Variants in DNAH3 observed in about 807,000 individuals in gnomAD.
The protein encoded by DNAH3 is dynein axonemal heavy chain 3, also known as axonemal beta dynein heavy chain 3.
DNAH3 carries 332 observed loss-of-function variants against 432.5 expected under a neutral mutation model. The observed-to-expected ratio is 0.77, with a 90% CI of 0.70 to 0.84. The LOEUF is 0.84. Ranked by LOEUF, DNAH3 falls within the 40% of genes least tolerant of loss-of-function variation. The pLI, the probability that DNAH3 is intolerant of heterozygous loss-of-function variation, is 0.00. For missense variants in DNAH3, 4,861 were observed against 5,114.0 expected (o/e 0.95, Z 1.51); for synonymous variants, 1,956 against 1,900.2 (o/e 1.03, Z -0.76).
chr16:21,107,433 T>C (rs1259144357), intron 14 of DNAH3, among the ~76,000 whole-genome samples: 2 of 151,862 alleles, frequency 1.3e-5, no homozygotes, highest in Non-Finnish European at 2.9e-5. Flanking sequence ...AGAGATGGGG[T>C]TTTGCCATGT....
intron 49 of DNAH3, among the ~76,000 whole-genome samples, chr16:20,981,562 T>C (rs1162774930): frequency 2.0e-5 from 3 of 151,826 alleles, no homozygotes; most frequent in Non-Finnish European, 2.9e-5. Flanking sequence ...CAGTGTCCAC[T>C]AAAAATCCAA....
At chr16:21,096,166 C>G (rs956027387) in intron 18 of DNAH3, among the ~76,000 whole-genome samples, 3 of 146,958 alleles carry the variant, frequency 2.0e-5, no homozygotes, top group African/African-American at 7.7e-5. Flanking sequence ...CAAGGTTTTG[C>G]TCTGATGCCC....
chr16:20,989,678 C>T (rs888189901), intron 44 of DNAH3, among the ~76,000 whole-genome samples: 1 of 152,234 alleles, frequency 6.6e-6, no homozygotes, highest in African/African-American at 2.4e-5. Context: ...TGGGACTGGG[C>T]GCCGTGGAGC....
chr16:21,039,749 G>A, intron 33 of DNAH3, 103 bp downstream of exon 33: 1 of 912,070 alleles, frequency 1.1e-6, no homozygotes, highest in Non-Finnish European at 1.8e-6. Context: ...AGTTTCTCAA[G>A]CTTCTCTCTC....
intron 24 of DNAH3, among the ~76,000 whole-genome samples, chr16:21,066,322 A>G (rs909376782): frequency 1.3e-5 from 2 of 152,152 alleles, no homozygotes; most frequent in Non-Finnish European, 2.9e-5. Context: ...TGGATAGATT[A>G]TCAGGAATGT....
chr16:20,933,474 G>C, exon 62 of DNAH3: 1 of 1,608,028 alleles, frequency 6.2e-7, no homozygotes, highest in Non-Finnish European at 8.5e-7. Context: ...CCATCTTCGG[G>C]GTTATTCTCC....
At chr16:21,079,903 T>C (rs1029568018) in intron 20 of DNAH3, among the ~76,000 whole-genome samples, 3 of 152,220 alleles carry the variant, frequency 2.0e-5, no homozygotes, top group Admixed American at 6.5e-5. Flanking sequence ...AGCTGGGAAG[T>C]GCCTTAAATT....
At chr16:21,054,608 AC>A in intron 27 of DNAH3, 74 bp from the exon 28 acceptor site, 1 of 1,131,442 alleles carries the variant, frequency 8.8e-7, no homozygotes, top group Non-Finnish European at 1.3e-6. Context: ...AAGAAATGGT[AC>A]CATGGACCAC....
Position 21,042,940 on chromosome 16 carries a change from CG to C in DNAH3, c.4462-738del, listed in dbSNP as rs1388610702. ...TGCGGTGTTTGGTTTTTTGTTCTTG[CG>C]ATAGTTTACTGAGAATGATGATTTC... On this transcript the variant is annotated intron_variant, in intron 31 of 61. Transcript: ENST00000261383. Among the ~76,000 whole-genome samples, 6 of 152,116 alleles carry C rather than the reference CG, an allele frequency of 3.9e-5. No individual in the cohort carries two copies. The East Asian group carries it at 9.7e-4, about 25-fold the overall frequency.
intron 37 of DNAH3, among the ~76,000 whole-genome samples, chr16:21,028,502 AG>A (rs1420121236): frequency 6.7e-6 from 1 of 149,538 alleles, no homozygotes; most frequent in Non-Finnish European, 1.5e-5. Context: ...TTCTACTAAA[AG>A]TACAAAAAAA....
intron 28 of DNAH3, among the ~76,000 whole-genome samples, chr16:21,052,762 G>A (rs965772364): frequency 1.3e-5 from 2 of 152,198 alleles, no homozygotes; most frequent in African/African-American, 4.8e-5. Flanking sequence ...GCAATGCATA[G>A]TGACTCCAAA....
intron 41 of DNAH3, among the ~76,000 whole-genome samples, chr16:21,012,496 G>A (rs527602735): frequency 1.3e-5 from 2 of 152,236 alleles, no homozygotes; most frequent in South Asian, 4.1e-4. Context: ...CAAAATACAT[G>A]AGGCAAAACT....
At chr16:21,032,642 A>C in intron 36 of DNAH3, among the ~76,000 whole-genome samples, 1 of 151,976 alleles carries the variant, frequency 6.6e-6, no homozygotes, top group Middle Eastern at 3.4e-3. Context: ...GCAAAACCCC[A>C]TCTCTACAAA....
chr16:21,039,054 C>T (rs752754331), intron 33 of DNAH3, among the ~76,000 whole-genome samples: 20 of 152,080 alleles, frequency 1.3e-4, no homozygotes, highest in Non-Finnish European at 2.5e-4. Flanking sequence ...TGTATACACA[C>T]GTACACACTT....
chr16:21,019,977 T>A, intron 40 of DNAH3, 108 bp from the exon 41 acceptor site: 1 of 1,297,826 alleles, frequency 7.7e-7, no homozygotes, highest in Non-Finnish European at 1.1e-6. Flanking sequence ...GAAGGGCGAC[T>A]GATATTGGCA....
exon 24 of DNAH3, chr16:21,067,306 C>T (rs747185906): frequency 6.2e-7 from 1 of 1,614,126 alleles, no homozygotes. Flanking sequence ...GTCTCTTCTT[C>T]TCCAAGTAAT....
At chr16:20,993,656 A>G (rs955465521) in intron 44 of DNAH3, among the ~76,000 whole-genome samples, 1 of 152,092 alleles carries the variant, frequency 6.6e-6, no homozygotes, top group Non-Finnish European at 1.5e-5. Context: ...GTTGTGTGCT[A>G]TTTTTGTCTA....
intron 33 of DNAH3, among the ~76,000 whole-genome samples, chr16:21,039,214 C>CTT (rs200708542): frequency 0.053 from 6,625 of 124,200 alleles, 449 homozygotes; most frequent in Non-Finnish European, 0.077. Context: ...TATAGTGTTG[C>CTT]TTTTTTTTTT....
chr16:20,985,717 T>A lies in DNAH3; in HGVS notation c.7027-2A>T. The A allele has an allele frequency of 6.2e-7, 1 of 1,610,192 alleles. No individual in the cohort carries two copies. Among genetic ancestry groups the A allele is most frequent in the Non-Finnish European group, 8.5e-7 (1 of 1,177,048 alleles). On this transcript the variant is annotated splice_acceptor_variant, in intron 47 of 61. Transcript: ENST00000261383. LOFTEE classifies it high-confidence loss of function. ...AGTGGGTGACAAGTGGATAAGCACC[T>A]GTAAGAAAAGTAAATCTCGGCGGGG...
Sources: gnomAD v4.1 joint callset for allele counts (sites outside exome capture counted in the v4.1 genomes callset) on GRCh38, gnomAD v4.1.1 for gene constraint, MANE v1.5 for transcripts, NCBI Gene and HGNC (gene_info 2026-07-23, HGNC 2026-07-21) for gene names.